Variants in FRY observed in about 807,000 individuals in gnomAD.
FRY encodes protein furry homolog.
FRY carries 128 observed loss-of-function variants against 348.4 expected under a neutral mutation model. That is an observed-to-expected ratio of 0.37 (90% confidence interval 0.32 to 0.43). The LOEUF is 0.43. Ranked by LOEUF, FRY falls within the 20% of genes least tolerant of loss-of-function variation. The probability of loss-of-function intolerance (pLI) is 1.00; values close to 1 mark genes in which losing one functional copy is unlikely to be tolerated. For synonymous variants in FRY, 1,370 were observed against 1,374.7 expected (o/e 1.00, Z 0.08); for missense variants, 2,736 against 3,695.2 (o/e 0.74, Z 6.73).
intron 36 of FRY, among the ~76,000 whole-genome samples, chr13:32,223,574 G>A (rs1279727141): frequency 3.9e-5 from 6 of 152,094 alleles, no homozygotes; most frequent in Non-Finnish European, 1.5e-5. Flanking sequence ...CCAGGAGTTC[G>A]AGACCAGCAT....
intron 46 of FRY, among the ~76,000 whole-genome samples, chr13:32,241,246 A>G (rs1371695304): frequency 1.3e-5 from 2 of 151,908 alleles, no homozygotes; most frequent in East Asian, 1.9e-4. Context: ...AGGAGGTAAC[A>G]TTTGTCTGGC....
intron 1 of FRY, among the ~76,000 whole-genome samples, chr13:32,037,811 A>G (rs930598030): frequency 1.3e-5 from 2 of 152,212 alleles, no homozygotes; most frequent in South Asian, 2.1e-4. Context: ...TAAGGAGTCA[A>G]ATAGGTTACA....
chr13:32,263,412 A>G (rs1887768638), intron 53 of FRY, among the ~76,000 whole-genome samples: 1 of 152,208 alleles, frequency 6.6e-6, no homozygotes, highest in African/African-American at 2.4e-5. Flanking sequence ...CAATCACCAA[A>G]TTACAATTAC....
chr13:32,208,865 G>A lies in FRY; in HGVS notation c.4031G>A (p.Arg1344Gln), dbSNP rs778464691. ...CAATTCTCTTTAGAGGTAAGCCAGC[G>A]ATTCCCCACAACACACCCCAACGGG... is the stretch of plus-strand genomic sequence containing the variant. ...TLPLFSEVSQ[R>Q]FPTTHPNGRQ... The change falls in exon 32 of 61, where the codon CGA (arginine) becomes CAA (glutamine). Residue 1344 changes from arginine (R) to glutamine (Q), a missense_variant. Transcript: ENST00000542859. 4.3e-6 allele frequency: 7 copies of A among 1,613,948 alleles called. No homozygotes were observed. The highest frequency in any genetic ancestry group is 2.2e-5 in the East Asian group (1 of 44,902).
intron 31 of FRY, among the ~76,000 whole-genome samples, chr13:32,202,786 C>T (rs1884109807): frequency 2.0e-5 from 3 of 151,942 alleles, no homozygotes. Context: ...CCTGTCACTA[C>T]TAAAAATACA....
chr13:32,166,407 C>T (rs1265993774), intron 17 of FRY, among the ~76,000 whole-genome samples: 1 of 152,222 alleles, frequency 6.6e-6, no homozygotes, highest in African/African-American at 2.4e-5. Flanking sequence ...CACCCTCATC[C>T]TTGCTAGAGA....
At chr13:32,286,652 C>G (rs1352446333) in intron 58 of FRY, among the ~76,000 whole-genome samples, 1 of 142,642 alleles carries the variant, frequency 7.0e-6, no homozygotes. Flanking sequence ...GAGGCTGAGG[C>G]AAGAGAATGG....
intron 51 of FRY, among the ~76,000 whole-genome samples, chr13:32,260,873 G>A (rs1039970338): frequency 1.3e-5 from 2 of 152,176 alleles, no homozygotes; most frequent in South Asian, 2.1e-4. Context: ...GCTCACGCCT[G>A]TAATCCCAGC....
At position 32,173,624 on chromosome 13, in the gene FRY, G is replaced by A. The variant is rs1346719973; in HGVS notation, c.2334+75G>A. ...GAAATTTAGATTAAAAACTACAAAT[G>A]ATGCATTACTATTTCAGGTACTTTT... On this transcript the variant is annotated intron_variant, in intron 19 of 60. Transcript: ENST00000542859. 13 of 1,050,974 alleles carry A rather than the reference G, an allele frequency of 1.2e-5. No individual in the cohort carries two copies. The African/African-American group carries it at 1.2e-4, about 10-fold the overall frequency. 65.1% of individuals were successfully genotyped at this position (1,050,974 alleles called of 1,614,324 possible). A position where few individuals can be genotyped will look rare whatever the true frequency, so the allele number is the denominator to read the frequency against.
Position 32,185,155 on chromosome 13 carries a change from T to C in FRY, c.3319+7T>C. The C allele has an allele frequency of 1.2e-6, 2 of 1,612,592 alleles. No homozygotes were observed. Among genetic ancestry groups the C allele is most frequent in the Non-Finnish European group, 1.7e-6 (2 of 1,178,682 alleles). On this transcript the variant is annotated splice_region_variant and intron_variant, in intron 26 of 60. Transcript: ENST00000542859. ...TTGATTCAGTGTGTTCCAGGTACGG[T>C]GATCCGTTACAAGAAATTACCATTC...
At chr13:32,164,601 T>A (rs1167535476) in intron 17 of FRY, among the ~76,000 whole-genome samples, 3 of 152,176 alleles carry the variant, frequency 2.0e-5, no homozygotes, top group Non-Finnish European at 4.4e-5. Context: ...TTTACATGTA[T>A]TGCTCAGCCA....
At chr13:32,123,521 G>A (rs1306902847) in intron 4 of FRY, among the ~76,000 whole-genome samples, 1 of 152,170 alleles carries the variant, frequency 6.6e-6, no homozygotes, top group Non-Finnish European at 1.5e-5. Flanking sequence ...CACCCCTGCA[G>A]TCCTGCTCAA....
chr13:32,103,363 G>T, intron 3 of FRY, among the ~76,000 whole-genome samples: 1 of 152,176 alleles, frequency 6.6e-6, no homozygotes, highest in Admixed American at 6.6e-5. Flanking sequence ...GCAAGTTGTG[G>T]CTTTTTAAGA....
chr13:32,148,117 C>T (rs1593668049), intron 13 of FRY, among the ~76,000 whole-genome samples, 170 bp downstream of exon 13: 2 of 152,318 alleles, frequency 1.3e-5, no homozygotes, highest in East Asian at 3.9e-4. Context: ...TGCTTCAAAA[C>T]AAATTGTGAG....
At position 32,261,802 on chromosome 13, in the gene FRY, G is replaced by C. The variant is rs778867800; in HGVS notation, c.7603G>C (p.Glu2535Gln). ...EEDLTASQIL[E>Q]HSDLIMTLSP... is the part of the protein sequence containing the mutation. The stretch of plus-strand genomic sequence containing the variant: ...GGACCTCACAGCCAGCCAGATCCTG[G>C]AGCACTCAGACCTAGTAAGTAGCGG... Residue 2535 changes from glutamate to glutamine, a missense_variant, in exon 52 of 61, where the codon GAG (glutamate) becomes CAG (glutamine). Coordinates refer to ENST00000542859, the MANE Select transcript of FRY (RefSeq NM_023037.3). The C allele has an allele frequency of 6.2e-7, 1 of 1,614,156 alleles. No homozygotes were observed. The highest frequency in any genetic ancestry group is 1.7e-5 in the Admixed American group (1 of 60,028).
intron 38 of FRY, among the ~76,000 whole-genome samples, chr13:32,225,250 G>A (rs1343871754): frequency 6.6e-6 from 1 of 152,222 alleles, no homozygotes; most frequent in African/African-American, 2.4e-5. Flanking sequence ...TGTAAATACA[G>A]TGGTTTCTCA....
chr13:32,120,855 TTTCA>T (rs1315449127), intron 4 of FRY, among the ~76,000 whole-genome samples: 1 of 152,212 alleles, frequency 6.6e-6, no homozygotes, highest in African/African-American at 2.4e-5. Context: ...AGAGACGGGG[TTTCA>T]CTATGTTGGC....
Position 32,155,406 on chromosome 13 carries a change from T to A in FRY, c.1480-85T>A, listed in dbSNP as rs1593675682. 16 of 959,096 alleles carry A rather than the reference T, an allele frequency of 1.7e-5. No individual in the cohort carries two copies. The East Asian group carries it at 3.8e-4, about 23-fold the overall frequency. The allele number at this position is 959,096 out of a possible 1,614,324, so 59.4% of individuals were successfully genotyped here. A position where few individuals can be genotyped will look rare whatever the true frequency, so the allele number is the denominator to read the frequency against. On this transcript the variant is annotated intron_variant, in intron 14 of 60. Transcript: ENST00000542859. ...TCATACTCATCTACATGCAATTCAG[T>A]CTTAACTATCTGAAAGACTTATGGA... is the stretch of plus-strand genomic sequence containing the variant.
intron 19 of FRY, among the ~76,000 whole-genome samples, chr13:32,174,140 C>T (rs1209411260): frequency 6.6e-6 from 1 of 152,192 alleles, no homozygotes; most frequent in Admixed American, 6.5e-5. Context: ...GGTGGCCAAA[C>T]CAAATGCATA....
Sources: allele counts gnomAD v4.1 joint callset (sites outside exome capture counted in the v4.1 genomes callset), GRCh38; gene constraint gnomAD v4.1.1; transcripts MANE v1.5; gene names NCBI Gene and HGNC (gene_info 2026-07-23, HGNC 2026-07-21).